The following PIK3CG variants were observed in gnomAD, a reference collection of about 807,000 sequenced individuals.
PIK3CG encodes phosphatidylinositol 4,5-bisphosphate 3-kinase catalytic subunit gamma isoform.
A neutral mutation model predicts 102.3 loss-of-function variants in PIK3CG; 55 were observed. The ratio of observed to expected loss-of-function variants is 0.54; its 90% CI spans 0.43 to 0.67. The LOEUF (loss-of-function observed/expected upper bound fraction) is 0.67. PIK3CG is among the 30% of genes least tolerant of loss of function. PIK3CG has a pLI of 0.00. For missense variants in PIK3CG, 1,258 were observed against 1,391.8 expected, an observed-to-expected ratio of 0.90 and a Z score of 1.53; for synonymous variants, 552 against 540.0, an observed-to-expected ratio of 1.02 and a Z score of -0.31.
intron 5 of PIK3CG, among the ~76,000 whole-genome samples, chr7:106,875,359 CA>C (rs35537666): frequency 5.3e-4 from 67 of 126,704 alleles, no homozygotes; most frequent in African/African-American, 9.6e-4. Flanking sequence ...GACTCCGTCT[CA>C]AAAAAAAAAA....
At position 106,867,994 on chromosome 7, in the gene PIK3CG, G is replaced by C. The variant is rs1484695035; in HGVS notation, c.433G>C (p.Glu145Gln). 3.7e-6 allele frequency: 6 copies of C among 1,612,166 alleles called. No individual in the cohort carries two copies. The highest frequency in any genetic ancestry group is 5.1e-6 in the Non-Finnish European group (6 of 1,179,228). ...IHLVQRHPPS[E>Q]ESQAFQRQLT... ...CCTGGTGCAGCGGCACCCGCCCTCC[G>C]AGGAGTCCCAAGCCTTCCAGCGGCA... is the stretch of plus-strand genomic sequence containing the variant. Residue 145 changes from glutamate to glutamine, a missense_variant, in exon 2 of 11, where the codon GAG (glutamate) becomes CAG (glutamine). Glu to Gln is a conservative substitution (Grantham distance 29). Coordinates refer to ENST00000496166, the MANE Select transcript of PIK3CG (RefSeq NM_001282426.2). The surrounding 1 kb of genome is among the most constrained non-coding windows in gnomAD (Gnocchi z 5.1).
Position 106,907,360 on chromosome 7 carries a change from C to G in PIK3CG, c.*1973C>G, listed in dbSNP as rs925069774. Among the ~76,000 whole-genome samples the G allele has an allele frequency of 6.6e-6, 1 of 152,142 alleles. No individual in the cohort carries two copies. Among genetic ancestry groups the G allele is most frequent in the African/African-American group, 2.4e-5 (1 of 41,434 alleles). ...CTAGAAAAAAACTCCTCTTCTTTGG[C>G]AACCTGTCCTTTTAAAATCACACTC... On this transcript the variant is annotated 3_prime_UTR_variant, in exon 11 of 11. Transcript: ENST00000496166.
In PIK3CG at chr7:106,868,596, C is replaced by A. The variant is rs146443908; in HGVS notation, c.1035C>A (p.Asp345Glu). 1 of 1,614,196 alleles carries A rather than the reference C, an allele frequency of 6.2e-7. No homozygotes were observed. Among genetic ancestry groups the A allele is most frequent in the Non-Finnish European group, 8.5e-7 (1 of 1,180,042 alleles). Residue 345 changes from aspartate to glutamate, a missense_variant, in exon 2 of 11, where the codon GAC (aspartate) becomes GAA (glutamate). Asp to Glu is a conservative substitution (Grantham distance 45). Around this residue, in one of 2 missense-constraint regions of PIK3CG, gnomAD observed 832 missense variants for 787.5 expected, o/e 1.06. Transcript: ENST00000496166. The surrounding 1 kb of genome is among the most constrained non-coding windows in gnomAD (Gnocchi z 6.2). ...YHEQLTIHGK[D>E]HESVFTVSLW... is the part of the protein sequence containing the mutation. ...AGCAGCTTACCATCCACGGCAAGGA[C>A]CACGAGAGTGTGTTCACCGTGTCCC...
chr7:106,881,994 A>G (rs1790952771), intron 6 of PIK3CG, 123 bp from the exon 7 acceptor site: 1 of 374,656 alleles, frequency 2.7e-6, no homozygotes, highest in African/African-American at 2.1e-5. Context: ...GTTGTTACTT[A>G]TATGTTTTAC....
chr7:106,886,963 A>C (rs994190844), intron 10 of PIK3CG, among the ~76,000 whole-genome samples: 1 of 152,084 alleles, frequency 6.6e-6, no homozygotes, highest in Non-Finnish European at 1.5e-5. Context: ...TGGGCAACAC[A>C]TAAAATACAC....
rs2116500019 is a variant in PIK3CG at position 106,874,807 on chromosome 7, G to A, written c.2391+4G>A. 6.3e-7 allele frequency: 1 copy of A among 1,586,662 alleles called. No homozygotes were observed. Among genetic ancestry groups the A allele is most frequent in the Non-Finnish European group, 8.7e-7 (1 of 1,155,410 alleles). Reference sequence around the variant, plus strand: ...ACTGAAAGCAGGAGCGCTGGCAGTAGGTATCACTTGGATGTCTCCATGTGG... The same window carrying A: ...ACTGAAAGCAGGAGCGCTGGCAGTAAGTATCACTTGGATGTCTCCATGTGG... On this transcript the variant is annotated splice_donor_region_variant and intron_variant, in intron 5 of 10. Transcript: ENST00000496166. This position sits in a 1 kb window ranked among gnomAD's most constrained non-coding sequence, Gnocchi z 4.3.
chr7:106,865,680 C>T (rs1790256730), intron 1 of PIK3CG: 1 of 152,182 alleles, frequency 6.6e-6, no homozygotes, highest in Admixed American at 6.5e-5. Context: ...CTTCATATTC[C>T]TACAAGTGCA....
Position 106,899,085 on chromosome 7 carries a change from C to G in PIK3CG, c.3031-6024C>G, listed in dbSNP as rs1429529810. ...CTCATTGTAGAGATCTTTCACCTCC[C>G]TGGTTGGCTATATCCCTAGGTATTT... On this transcript the variant is annotated intron_variant, in intron 10 of 10. Transcript: ENST00000496166. This position sits in a 1 kb window ranked among gnomAD's most constrained non-coding sequence, Gnocchi z 4.6. 6.6e-6 allele frequency among the ~76,000 whole-genome samples: 1 copy of G among 152,052 alleles called. No individual in the cohort carries two copies. Among genetic ancestry groups the G allele is most frequent in the African/African-American group, 2.4e-5 (1 of 41,392 alleles).
In PIK3CG at chr7:106,895,190, T is replaced by C. The variant is rs1791374784; in HGVS notation, c.3030+8898T>C. Among the ~76,000 whole-genome samples, 1 of 152,220 alleles carries C rather than the reference T, an allele frequency of 6.6e-6. No homozygotes were observed. The highest frequency in any genetic ancestry group is 1.5e-5 in the Non-Finnish European group (1 of 68,042). On this transcript the variant is annotated intron_variant, in intron 10 of 10. Coordinates refer to ENST00000496166, the MANE Select transcript of PIK3CG (RefSeq NM_001282426.2). This position sits in a 1 kb window ranked among gnomAD's most constrained non-coding sequence, Gnocchi z 5.4. ...TCGAAGTCAGATTTTTCCCTTACTC[T>C]TCTTCTCTCAATAATACAAATCCTT...
intron 7 of PIK3CG, 109 bp downstream of exon 7, chr7:106,882,316 TA>T (rs1790965551): frequency 6.5e-6 from 3 of 459,476 alleles, no homozygotes; most frequent in Non-Finnish European, 1.2e-5. Context: ...TTAATCTGTA[TA>T]AAAAGGAAGA....
At position 106,884,876 on chromosome 7, in the gene PIK3CG, A is replaced by T. The variant is rs1452315314; in HGVS notation, c.2872+610A>T. Among the ~76,000 whole-genome samples the T allele has an allele frequency of 6.6e-6, 1 of 152,124 alleles. No homozygotes were observed. Among genetic ancestry groups the T allele is most frequent in the Non-Finnish European group, 1.5e-5 (1 of 68,014 alleles). On this transcript the variant is annotated intron_variant, in intron 9 of 10. Transcript: ENST00000496166. The surrounding 1 kb of genome is among the most constrained non-coding windows in gnomAD (Gnocchi z 4.2). Reference sequence around the variant, plus strand: ...GTATTTACAGCCACTGCCCAGTGCTAGCATCACCACCTCAGCTCCACCTCA... The same window carrying T: ...GTATTTACAGCCACTGCCCAGTGCTTGCATCACCACCTCAGCTCCACCTCA...
In PIK3CG at chr7:106,880,204, C is replaced by A. The variant is rs1790891488; in HGVS notation, c.2538+539C>A. On this transcript the variant is annotated intron_variant, in intron 6 of 10. Coordinates refer to ENST00000496166, the MANE Select transcript of PIK3CG (RefSeq NM_001282426.2). The surrounding 1 kb of genome is among the most constrained non-coding windows in gnomAD (Gnocchi z 4.2). ...TCAATATATCAGTGCTAATTATTTT[C>A]ATATTTTCTAACATTTCTAGATAAA... 6.6e-6 allele frequency among the ~76,000 whole-genome samples: 1 copy of A among 152,156 alleles called. No homozygotes were observed. Among genetic ancestry groups the A allele is most frequent in the African/African-American group, 2.4e-5 (1 of 41,440 alleles).
In PIK3CG at chr7:106,868,097, G is replaced by A. The variant is rs2116430610; in HGVS notation, c.536G>A (p.Gly179Asp). ...HDDELEFTRR[G>D]LVTPRMAEVA... Reference sequence around the variant, plus strand: ...GATGAGCTGGAGTTCACGCGCCGTGGCTTGGTGACCCCGCGCATGGCGGAG... The same window carrying A: ...GATGAGCTGGAGTTCACGCGCCGTGACTTGGTGACCCCGCGCATGGCGGAG... The change falls in exon 2 of 11, where the codon GGC (glycine) becomes GAC (aspartate). Residue 179 changes from glycine (G) to aspartate (D), a missense_variant. Transcript: ENST00000496166. The surrounding 1 kb of genome is among the most constrained non-coding windows in gnomAD (Gnocchi z 6.2). The A allele has an allele frequency of 6.2e-7, 1 of 1,612,846 alleles. No individual in the cohort carries two copies. Among genetic ancestry groups the A allele is most frequent in the Non-Finnish European group, 8.5e-7 (1 of 1,179,272 alleles).
At chr7:106,886,388 C>A in intron 10 of PIK3CG, 96 bp downstream of exon 10, 1 of 1,249,042 alleles carries the variant, frequency 8.0e-7, no homozygotes. Context: ...GCTTGGAGGC[C>A]AGTCCAGCCT....
chr7:106,869,078 C>G lies in PIK3CG; in HGVS notation c.1517C>G (p.Thr506Ser), dbSNP rs2116457261. The change falls in exon 2 of 11, where the codon ACT becomes AGT. Residue 506 changes from threonine to serine, a missense_variant. Physicochemically the swap from Thr to Ser is moderately conservative, Grantham distance 58 (BLOSUM62 1). This residue lies in a region of PIK3CG where 832 missense variants were observed against 787.5 expected (regional missense o/e 1.06). Coordinates refer to ENST00000496166, the MANE Select transcript of PIK3CG (RefSeq NM_001282426.2). The surrounding 1 kb of genome is among the most constrained non-coding windows in gnomAD (Gnocchi z 5.3). ...AATGCTGACAAACTCACGTCTGCAACTAACCCAGACAAGGAGAACTCAATG... is the reference window on the plus strand; with the variant it reads ...AATGCTGACAAACTCACGTCTGCAAGTAACCCAGACAAGGAGAACTCAATG... ...SFNADKLTSA[T>S]NPDKENSMSI... The G allele has an allele frequency of 6.2e-7, 1 of 1,614,196 alleles. No homozygotes were observed. Among genetic ancestry groups the G allele is most frequent in the Non-Finnish European group, 8.5e-7 (1 of 1,180,018 alleles).
rs192939965 is a variant in PIK3CG, at chr7:106,897,588, G to A, written c.3031-7521G>A. On this transcript the variant is annotated intron_variant, in intron 10 of 10. Coordinates refer to ENST00000496166, the MANE Select transcript of PIK3CG (RefSeq NM_001282426.2). This position sits in a 1 kb window ranked among gnomAD's most constrained non-coding sequence, Gnocchi z 4.6. ...GTTGTTTCCTTCCTTGTGTTCATAA[G>A]TTCTTATCATTTAGCTCCCACTTAT... 1.7e-4 allele frequency among the ~76,000 whole-genome samples: 26 copies of A among 152,132 alleles called. No individual in the cohort carries two copies. Among genetic ancestry groups the A allele is most frequent in the African/African-American group, 6.3e-4 (26 of 41,514 alleles).
intron 2 of PIK3CG, among the ~76,000 whole-genome samples, chr7:106,870,718 C>T (rs993072322): frequency 2.6e-5 from 4 of 152,108 alleles, no homozygotes; most frequent in Non-Finnish European, 5.9e-5. Flanking sequence ...AATCACTATC[C>T]GTATTTATAG....
In PIK3CG at chr7:106,868,073, A is replaced by G. The variant is rs2116429924; in HGVS notation, c.512A>G (p.Asp171Gly). The change falls in exon 2 of 11, where the codon GAT (aspartate) becomes GGT (glycine). Residue 171 changes from aspartate to glycine, a missense_variant. Physicochemically the swap from Asp to Gly is moderately conservative, Grantham distance 94. Transcript: ENST00000496166. The surrounding 1 kb of genome is among the most constrained non-coding windows in gnomAD (Gnocchi z 6.2). ...DVTDVSNVHDDELEFTRRGLV... is the reference protein window; with the variant it reads ...DVTDVSNVHDGELEFTRRGLV... ...ACTGACGTCAGCAACGTGCACGACG[A>G]TGAGCTGGAGTTCACGCGCCGTGGC... 6.2e-7 allele frequency: 1 copy of G among 1,612,958 alleles called. No individual in the cohort carries two copies. The highest frequency in any genetic ancestry group is 8.5e-7 in the Non-Finnish European group (1 of 1,179,330).
In PIK3CG at chr7:106,867,928, C is replaced by A. The variant is rs2116425856; in HGVS notation, c.367C>A (p.Arg123Ser). The part of the protein sequence containing the change: ...YQVVQTLDCL[R>S]YWKATHRSPG... Reference sequence around the variant, plus strand: ...GGTGGTGCAGACTCTGGACTGCCTGCGCTACTGGAAGGCCACGCACCGGAG... The same window carrying A: ...GGTGGTGCAGACTCTGGACTGCCTGAGCTACTGGAAGGCCACGCACCGGAG... The change falls in exon 2 of 11, where the codon CGC becomes AGC. Residue 123 changes from arginine to serine, a missense_variant. By Grantham distance (110) the Arg-to-Ser change is moderately radical (BLOSUM62 -1). Transcript: ENST00000496166. This position sits in a 1 kb window ranked among gnomAD's most constrained non-coding sequence, Gnocchi z 5.1. 5 of 1,613,270 alleles carry A rather than the reference C, an allele frequency of 3.1e-6. No individual in the cohort carries two copies. The highest frequency in any genetic ancestry group is 4.2e-6 in the Non-Finnish European group (5 of 1,179,964).
Sources: allele counts gnomAD v4.1 joint callset (sites outside exome capture counted in the v4.1 genomes callset), GRCh38; gene constraint gnomAD v4.1.1; regional missense constraint gnomAD v4.1.1; non-coding constraint Gnocchi (gnomAD v3.1); transcripts MANE v1.5; gene names NCBI Gene and HGNC (gene_info 2026-07-23, HGNC 2026-07-21).